CALCRL: variants seen among roughly 807,000 people sequenced by gnomAD.
CALCRL encodes calcitonin receptor like receptor.
Under a neutral mutation model 60.4 loss-of-function variants are expected in CALCRL, and 27 were observed. That is an observed-to-expected ratio of 0.45 (90% CI 0.33 to 0.62). The LOEUF is 0.62. CALCRL is among the 20% of genes least tolerant of loss of function. The probability of loss-of-function intolerance (pLI) is 0.03; values close to 1 mark genes in which losing one functional copy is unlikely to be tolerated. For missense variants in CALCRL, 424 were observed against 540.7 expected, an observed-to-expected ratio of 0.78 and a Z score of 2.14; for synonymous variants, 190 against 182.6, an observed-to-expected ratio of 1.04 and a Z score of -0.33.
At chr2:187,412,493 C>T (rs1216199696) in intron 1 of CALCRL, among the ~76,000 whole-genome samples, 8 of 152,104 alleles carry the variant, frequency 5.3e-5, no homozygotes, top group Non-Finnish European at 1.2e-4. Context: ...AATATTTAAG[C>T]GAAATGATTT....
At chr2:187,357,918 A>G (rs1686870633) in intron 12 of CALCRL, among the ~76,000 whole-genome samples, 1 of 152,082 alleles carries the variant, frequency 6.6e-6, no homozygotes, top group Admixed American at 6.6e-5. Context: ...CTGCACATGT[A>G]TCCCAGAACT....
At chr2:187,384,554 A>G (rs561190592) in intron 4 of CALCRL, among the ~76,000 whole-genome samples, 2 of 152,338 alleles carry the variant, frequency 1.3e-5, no homozygotes, top group African/African-American at 4.8e-5. Context: ...GCTTAAGTCA[A>G]CTTAAAGATA....
At chr2:187,415,879 G>A (rs750234633) in intron 1 of CALCRL, 5 of 283,064 alleles carry the variant, frequency 1.8e-5, no homozygotes, top group East Asian at 8.9e-5. Context: ...GCAAGAGCAC[G>A]AGAGGAAGAG....
rs903810644 is a variant in CALCRL at position 187,439,860 on chromosome 2, T to C, written c.-293+8179A>G. Among the ~76,000 whole-genome samples the C allele has an allele frequency of 2.0e-5, 3 of 152,260 alleles. No homozygotes were observed. In the South Asian group the frequency reaches 6.2e-4, roughly 31 times the overall value. On this transcript the variant is annotated intron_variant, in intron 1 of 14. Transcript: ENST00000392370. ...AGTACTGGCAGTAAGTAAACTTGTCTAGAGGTGAAGGACTTGATAAATGGA... is the reference window on the plus strand; with the variant it reads ...AGTACTGGCAGTAAGTAAACTTGTCCAGAGGTGAAGGACTTGATAAATGGA...
intron 12 of CALCRL, among the ~76,000 whole-genome samples, chr2:187,358,624 A>G (rs1295381190): frequency 6.6e-6 from 1 of 151,364 alleles, no homozygotes; most frequent in Non-Finnish European, 1.5e-5. Context: ...CATTTGCTGC[A>G]TCTGGCTAAT....
chr2:187,417,785 T>C (rs768396262), intron 1 of CALCRL, among the ~76,000 whole-genome samples: 59 of 152,312 alleles, frequency 3.9e-4, no homozygotes, highest in Non-Finnish European at 7.6e-4. Flanking sequence ...GAAATAATTG[T>C]ATTTAAATTT....
chr2:187,393,893 T>G (rs1159223014), intron 1 of CALCRL, among the ~76,000 whole-genome samples: 1 of 152,064 alleles, frequency 6.6e-6, no homozygotes, highest in African/African-American at 2.4e-5. Flanking sequence ...ATACCTGGAA[T>G]AGATAGAAGA....
intron 1 of CALCRL, among the ~76,000 whole-genome samples, chr2:187,398,839 G>T (rs376479857): frequency 1.3e-5 from 2 of 151,600 alleles, no homozygotes; most frequent in East Asian, 3.9e-4. Context: ...TAAAAAATGT[G>T]GTCAAGTGAA....
chr2:187,371,986 A>T (rs1256363706), intron 8 of CALCRL, among the ~76,000 whole-genome samples: 1 of 152,130 alleles, frequency 6.6e-6, no homozygotes, highest in East Asian at 1.9e-4. Context: ...GCTTTGGTCT[A>T]CCAGTTGGAT....
At chr2:187,406,701 G>T (rs1349892580) in intron 1 of CALCRL, among the ~76,000 whole-genome samples, 1 of 151,934 alleles carries the variant, frequency 6.6e-6, no homozygotes, top group Non-Finnish European at 1.5e-5. Context: ...GATGTGGTTT[G>T]GTCACTTTTT....
chr2:187,397,545 T>C (rs143702421), intron 1 of CALCRL, among the ~76,000 whole-genome samples: 3 of 151,868 alleles, frequency 2.0e-5, no homozygotes, highest in African/African-American at 7.2e-5. Flanking sequence ...ATTTTTTTGT[T>C]TTTTATTTGT....
chr2:187,447,366 T>C (rs1691237933), intron 1 of CALCRL, among the ~76,000 whole-genome samples: 1 of 151,578 alleles, frequency 6.6e-6, no homozygotes, highest in Non-Finnish European at 1.5e-5. Context: ...TTTCCTAAAC[T>C]CTAGGTTTTT....
At chr2:187,415,620 G>A (rs979683014) in intron 1 of CALCRL, 5 of 612,736 alleles carry the variant, frequency 8.2e-6, no homozygotes, top group African/African-American at 7.5e-5. Flanking sequence ...ACGTCAAGAA[G>A]GTGGTGAACC....
intron 7 of CALCRL, 45 bp downstream of exon 7, chr2:187,380,422 A>T (rs1178932606): frequency 8.9e-7 from 1 of 1,125,666 alleles, no homozygotes; most frequent in African/African-American, 1.5e-5. Flanking sequence ...GGAGCTGTTT[A>T]AACAGATACT....
At chr2:187,400,228 TA>T (rs1282575618) in intron 1 of CALCRL, among the ~76,000 whole-genome samples, 1 of 151,308 alleles carries the variant, frequency 6.6e-6, no homozygotes, top group Non-Finnish European at 1.5e-5. Context: ...GTCATTTTTT[TA>T]AAAAAATTGA....
chr2:187,439,046 T>C (rs1439039101), intron 1 of CALCRL, among the ~76,000 whole-genome samples: 1 of 152,210 alleles, frequency 6.6e-6, no homozygotes, highest in Non-Finnish European at 1.5e-5. Flanking sequence ...CATTCATTTA[T>C]TCATTTAAAT....
At chr2:187,416,704 C>G (rs1244101305) in intron 1 of CALCRL, among the ~76,000 whole-genome samples, 1 of 152,022 alleles carries the variant, frequency 6.6e-6, no homozygotes, top group African/African-American at 2.4e-5. Flanking sequence ...CTATTATACT[C>G]TGAACTAAAT....
chr2:187,403,946 G>A (rs903374308), intron 1 of CALCRL, among the ~76,000 whole-genome samples: 2 of 151,856 alleles, frequency 1.3e-5, no homozygotes, highest in Non-Finnish European at 2.9e-5. Flanking sequence ...GAGAACTGCC[G>A]CTTAAGAACA....
intron 1 of CALCRL, among the ~76,000 whole-genome samples, chr2:187,392,144 TTA>T (rs893446596): frequency 6.6e-6 from 1 of 152,138 alleles, no homozygotes; most frequent in African/African-American, 2.4e-5. Context: ...TTCCATTAAT[TTA>T]TGTTTCTTTA....
Sources: allele counts gnomAD v4.1 joint callset (sites outside exome capture counted in the v4.1 genomes callset), GRCh38; gene constraint gnomAD v4.1.1; transcripts MANE v1.5; gene names NCBI Gene and HGNC (gene_info 2026-07-23, HGNC 2026-07-21).